Variants in ACACA observed in about 807,000 individuals in gnomAD.
ACACA encodes acetyl-CoA carboxylase 1.
ACACA carries 103 observed loss-of-function variants against 296.1 expected under a neutral mutation model. The observed-to-expected ratio is 0.35, with a 90% CI of 0.30 to 0.41. ACACA has a LOEUF of 0.41. Ranked by LOEUF, ACACA falls within the 10% of genes least tolerant of loss-of-function variation. The pLI is 1.00. For synonymous variants in ACACA, 953 were observed against 1,038.6 expected, an observed-to-expected ratio of 0.92 and a Z score of 1.58; for missense variants, 1,554 against 2,989.7, an observed-to-expected ratio of 0.52 and a Z score of 11.20.
intron 2 of ACACA, among the ~76,000 whole-genome samples, chr17:37,331,702 G>A (rs904197221): frequency 5.3e-5 from 8 of 151,850 alleles, no homozygotes; most frequent in Non-Finnish European, 8.8e-5. Context: ...CACTGTGCCC[G>A]GTCTAATTTT....
chr17:37,129,443 T>C lies in ACACA; in HGVS notation c.5866A>G (p.Ile1956Val), dbSNP rs969108683. 5.6e-6 allele frequency: 9 copies of C among 1,614,116 alleles called. No homozygotes were observed. The highest frequency in any genetic ancestry group is 1.3e-5 in the African/African-American group (1 of 75,034). ...SVPLLNSKDPIDRIIEFVPTK... is the reference protein window; with the variant it reads ...SVPLLNSKDPVDRIIEFVPTK... ...GGAACAAACTCGATGATTCTGTCTA[T>C]AGGATCCTTTGAGTTCAGAAGAGGA... The change falls in exon 47 of 56, where the codon ATA (isoleucine) becomes GTA (valine). Residue 1956 changes from isoleucine to valine, a missense_variant. By Grantham distance (29) the Ile-to-Val change is conservative. This residue lies in a region of ACACA where 553 missense variants were observed against 1,043.6 expected (regional missense o/e 0.53). Transcript: ENST00000616317.
At chr17:37,214,940 T>C (rs1379657559) in intron 29 of ACACA, among the ~76,000 whole-genome samples, 1 of 152,202 alleles carries the variant, frequency 6.6e-6, no homozygotes, top group East Asian at 1.9e-4. Flanking sequence ...TGTTAAAGAT[T>C]ATCAGAATTC....
At position 37,113,079 on chromosome 17, in the gene ACACA, G is replaced by A. The variant is rs764922052; in HGVS notation, c.6452+9C>T. On this transcript the variant is annotated intron_variant, in intron 51 of 55. Transcript: ENST00000616317. The surrounding 1 kb of genome is among the most constrained non-coding windows in gnomAD (Gnocchi z 4.0). ...AAGGCAGTGAATGGAAATGTGGAAG[G>A]CACGCTACCTGCTTTCTCGGTCAGC... 5 of 1,613,914 alleles carry A rather than the reference G, an allele frequency of 3.1e-6. No homozygotes were observed. The African/African-American group carries it at 6.7e-5, about 22-fold the overall frequency.
chr17:37,086,021 T>C lies in ACACA; in HGVS notation c.*1295A>G, dbSNP rs538611105. The C allele has an allele frequency of 2.1e-5, 8 of 389,780 alleles. No homozygotes were observed. Among genetic ancestry groups the C allele is most frequent in the African/African-American group, 8.2e-5 (4 of 48,578 alleles). 24.1% of individuals were successfully genotyped at this position (389,780 alleles called of 1,614,324 possible). On this transcript the variant is annotated 3_prime_UTR_variant, in exon 56 of 56. Transcript: ENST00000616317. ...AACTAGTTGTTGAAAGTAAACTCTCTCCACCACCTGAGGAAGCCCCTGATG... is the reference window on the plus strand; with the variant it reads ...AACTAGTTGTTGAAAGTAAACTCTCCCCACCACCTGAGGAAGCCCCTGATG...
At chr17:37,300,620 T>C (rs553509211) in intron 3 of ACACA, among the ~76,000 whole-genome samples, 1 of 152,000 alleles carries the variant, frequency 6.6e-6, no homozygotes, top group East Asian at 1.9e-4. Context: ...GGAGCATAGA[T>C]AGAAGTTAAA....
chr17:37,235,843 C>T lies in ACACA; in HGVS notation c.3122-744G>A, dbSNP rs75173015. Among the ~76,000 whole-genome samples the T allele has an allele frequency of 9.7e-3, 1,482 of 152,246 alleles. 22 individuals are homozygous for T. The highest frequency in any genetic ancestry group is 0.034 in the African/African-American group (1,410 of 41,534). On this transcript the variant is annotated intron_variant, in intron 24 of 55. Coordinates refer to ENST00000616317, the MANE Select transcript of ACACA (RefSeq NM_198834.3). ...TTATGCATATTTTCACTTGCCTTCC[C>T]TAAGGCCACCAGGGGCAGGTTAGTT...
Position 37,257,787 on chromosome 17 carries a change from G to A in ACACA, c.1742C>T (p.Ala581Val). 2 of 1,614,140 alleles carry A rather than the reference G, an allele frequency of 1.2e-6. No individual in the cohort carries two copies. The highest frequency in any genetic ancestry group is 1.7e-6 in the Non-Finnish European group (2 of 1,180,002). Residue 581 changes from alanine (A) to valine (V), a missense_variant, in exon 14 of 56, where the codon GCT becomes GTT. Ala to Val is a moderately conservative substitution (Grantham distance 64). This residue lies in a region of ACACA where 35 missense variants were observed against 139.4 expected (regional missense o/e 0.25). Transcript: ENST00000616317. ...NKNVWGYFSV[A>V]AAGGLHEFAD... The stretch of plus-strand genomic sequence containing the variant: ...AAATTCATGAAGTCCCCCTGCAGCA[G>A]CAACACTGAAATATCCCCAAACATT...
chr17:37,112,117 T>C (rs1385017893), intron 51 of ACACA, among the ~76,000 whole-genome samples: 1 of 150,610 alleles, frequency 6.6e-6, no homozygotes, highest in East Asian at 1.9e-4. Context: ...AGTCTGCTTG[T>C]AGGACACTGA....
At chr17:37,388,910 C>T in intron 1 of ACACA, 1 of 1,298,326 alleles carries the variant, frequency 7.7e-7, no homozygotes. Context: ...GGAGATGTGC[C>T]ACTCACACTC....
At chr17:37,287,297 T>C (rs1598405361) in intron 3 of ACACA, among the ~76,000 whole-genome samples, 1 of 152,214 alleles carries the variant, frequency 6.6e-6, no homozygotes, top group African/African-American at 2.4e-5. Context: ...GTTTTACATA[T>C]ACATACATAA....
rs2076997080 is a variant in ACACA at position 37,174,003 on chromosome 17, TATATATA to T, written c.5079+5250_5079+5256del. 1.4e-3 allele frequency among the ~76,000 whole-genome samples: 18 copies of T among 13,206 alleles called. 1 individual carries two copies. The highest frequency in any genetic ancestry group is 6.3e-3 in the East Asian group (4 of 636). 8.7% of individuals were successfully genotyped at this position (13,206 alleles called of 152,430 possible). On this transcript the variant is annotated intron_variant, in intron 41 of 55. Coordinates refer to ENST00000616317, the MANE Select transcript of ACACA (RefSeq NM_198834.3). Reference sequence around the variant, plus strand: ...TAATTTATATATATATATATATATATATATATATATATATATATTTTTTTTTTTTTTT... The same window carrying T: ...TAATTTATATATATATATATATATATTATATATATATTTTTTTTTTTTTTT...
intron 3 of ACACA, among the ~76,000 whole-genome samples, chr17:37,292,787 C>G (rs903985390): frequency 1.3e-5 from 2 of 152,192 alleles, no homozygotes; most frequent in Non-Finnish European, 2.9e-5. Context: ...TCGCTTGAAT[C>G]TGGGAGGCAG....
chr17:37,247,500 TG>T (rs1414902071), intron 18 of ACACA, among the ~76,000 whole-genome samples: 3 of 151,968 alleles, frequency 2.0e-5, no homozygotes, highest in African/African-American at 7.3e-5. Context: ...CCCAAGTAGC[TG>T]GGACTACAGG....
chr17:37,193,439 T>C, intron 35 of ACACA, 24 bp from the exon 36 acceptor site: 1 of 1,571,132 alleles, frequency 6.4e-7, no homozygotes, highest in Non-Finnish European at 8.8e-7. Flanking sequence ...GGGGGAAAAA[T>C]GTGTCAGTAG....
Position 37,125,785 on chromosome 17 carries a change from C to A in ACACA, c.5954G>T (p.Gly1985Val), listed in dbSNP as rs1249331544. 18 of 1,613,538 alleles carry A rather than the reference C, an allele frequency of 1.1e-5. No individual in the cohort carries two copies. The East Asian group carries it at 2.9e-4, about 26-fold the overall frequency. ...GTCAAAAAAGCCACTCAACCACTGA[C>A]CTTTTTGGGCTACAGAAGGGAAAGA... is the stretch of plus-strand genomic sequence containing the variant. ...LAGRPHPTQKGQWLSGFFDYG... is the reference protein window; with the variant it reads ...LAGRPHPTQKVQWLSGFFDYG... The change falls in exon 48 of 56, where the codon GGT becomes GTT. Residue 1985 changes from glycine to valine, a missense_variant. Gly to Val is a moderately radical substitution (Grantham distance 109, BLOSUM62 -3). Coordinates refer to ENST00000616317, the MANE Select transcript of ACACA (RefSeq NM_198834.3).
chr17:37,343,383 G>A (rs1312714035), intron 1 of ACACA, among the ~76,000 whole-genome samples: 1 of 152,138 alleles, frequency 6.6e-6, no homozygotes, highest in African/African-American at 2.4e-5. Flanking sequence ...CTAATAAAGA[G>A]GCAGCAATTA....
intron 43 of ACACA, among the ~76,000 whole-genome samples, chr17:37,155,323 C>A (rs1239271826): frequency 6.6e-6 from 1 of 152,022 alleles, no homozygotes; most frequent in African/African-American, 2.4e-5. Flanking sequence ...AAAAGAAATT[C>A]TTGTTATAAT....
chr17:37,309,142 C>T (rs983671879), intron 3 of ACACA, among the ~76,000 whole-genome samples: 1 of 152,090 alleles, frequency 6.6e-6, no homozygotes, highest in Non-Finnish European at 1.5e-5. Context: ...TCGCCTCAGC[C>T]TTCCGAGTAG....
intron 45 of ACACA, among the ~76,000 whole-genome samples, chr17:37,132,410 G>A (rs937230915): frequency 6.6e-6 from 1 of 152,192 alleles, no homozygotes; most frequent in Non-Finnish European, 1.5e-5. Flanking sequence ...CAGAGGCCAC[G>A]CTCTGATCTG....
Sources: allele counts gnomAD v4.1 joint callset (sites outside exome capture counted in the v4.1 genomes callset), GRCh38; gene constraint gnomAD v4.1.1; regional missense constraint gnomAD v4.1.1; non-coding constraint Gnocchi (gnomAD v3.1); transcripts MANE v1.5; gene names NCBI Gene and HGNC (gene_info 2026-07-23, HGNC 2026-07-21).